The following DMD variants were observed in gnomAD, a reference collection of about 807,000 sequenced individuals.
DMD encodes the protein mutant dystrophin.
Under a neutral mutation model 330.1 loss-of-function variants are expected in DMD, and 63 were observed. The ratio of observed to expected loss-of-function variants is 0.19; its 90% CI spans 0.16 to 0.24. The LOEUF (loss-of-function observed/expected upper bound fraction) is 0.24. DMD is among the 10% of genes least tolerant of loss of function. The pLI is 1.00. For synonymous variants in DMD, 1,223 were observed against 959.8 expected (o/e 1.27, Z -5.07); for missense variants, 3,344 against 2,684.1 (o/e 1.25, Z -5.43).
At chrX:31,211,066 T>G (rs1369618674) in intron 64 of DMD, among the ~76,000 whole-genome samples, 1 of 111,997 alleles carries the variant, frequency 8.9e-6, no homozygotes, top group African/African-American at 3.2e-5. Context: ...ATGACCCTTT[T>G]CATGGAAGCT....
intron 1 of DMD, among the ~76,000 whole-genome samples, chrX:33,095,536 C>G (rs745638402): frequency 1.6e-4 from 18 of 112,021 alleles, no homozygotes; most frequent in South Asian, 7.3e-4. Flanking sequence ...AATTTACATT[C>G]GATTTATATT....
chrX:32,346,699 AT>A, intron 38 of DMD, among the ~76,000 whole-genome samples: 1 of 111,939 alleles, frequency 8.9e-6, no homozygotes, highest in Admixed American at 9.6e-5. Flanking sequence ...ATGCATGTTA[AT>A]TTAAATACGA....
At chrX:31,571,254 G>GGTGTGTGTGTGT (rs371098859) in intron 55 of DMD, among the ~76,000 whole-genome samples, 1,502 of 90,409 alleles carry the variant, frequency 0.017, 24 homozygotes, top group African/African-American at 0.03. Context: ...GATTTAAAGG[G>GGTGTGTGTGTGT]GTGTGTGTGT....
At chrX:33,336,520 A>AT (rs1312979822) in intron 1 of DMD, among the ~76,000 whole-genome samples, 1 of 110,486 alleles carries the variant, frequency 9.1e-6, no homozygotes, top group Non-Finnish European at 1.9e-5. Flanking sequence ...AATAAGGGAG[A>AT]TTTTTTTACT....
chrX:32,820,821 C>G lies in DMD; in HGVS notation c.357+2474G>C, dbSNP rs370748052. Among the ~76,000 whole-genome samples, 18 of 112,062 alleles carry G rather than the reference C, an allele frequency of 1.6e-4. No homozygotes were observed. The East Asian group carries it at 4.2e-3, about 26-fold the overall frequency. On this transcript the variant is annotated intron_variant, in intron 5 of 78. Coordinates refer to ENST00000357033, the MANE Select transcript of DMD (RefSeq NM_004006.3). The stretch of plus-strand genomic sequence containing the variant: ...CGATTTTACAGAGTACCATTTATGT[C>G]TAATGTATTTAATAATAAAGGAGGA...
chrX:32,370,993 C>A (rs1392238128), intron 34 of DMD, among the ~76,000 whole-genome samples: 1 of 110,737 alleles, frequency 9.0e-6, no homozygotes, highest in Non-Finnish European at 1.9e-5. Flanking sequence ...TAGAGTTAGA[C>A]CAATTAAATC....
chrX:32,595,076 G>A (rs949852881), intron 13 of DMD, among the ~76,000 whole-genome samples: 3 of 111,813 alleles, frequency 2.7e-5, no homozygotes, highest in Non-Finnish European at 5.6e-5. Context: ...AAAGAAGATT[G>A]AAGACAAAAG....
chrX:31,582,547 A>G (rs1269600780), intron 55 of DMD, among the ~76,000 whole-genome samples: 1 of 112,259 alleles, frequency 8.9e-6, no homozygotes, highest in East Asian at 2.8e-4. Context: ...TAGATGCAGA[A>G]AGACCAGTGA....
chrX:32,070,667 G>T (rs920443104), intron 44 of DMD, among the ~76,000 whole-genome samples: 8 of 111,040 alleles, frequency 7.2e-5, no homozygotes, highest in Non-Finnish European at 1.5e-4. Flanking sequence ...AACAGCATTT[G>T]CAATGACCTG....
At position 32,767,956 on chromosome X, in the gene DMD, A is replaced by T. The variant is rs1374740262; in HGVS notation, c.649+41537T>A. On this transcript the variant is annotated intron_variant, in intron 7 of 78. Coordinates refer to ENST00000357033, the MANE Select transcript of DMD (RefSeq NM_004006.3). ...TATTTTCATAAAGGCTTAACTATTG[A>T]TAAGAGATATAGATATAACATTGAG... Among the ~76,000 whole-genome samples the T allele has an allele frequency of 2.7e-5, 3 of 111,671 alleles. No homozygotes were observed. The East Asian group carries it at 8.5e-4, about 32-fold the overall frequency.
rs1045108549 is a variant in DMD, at chrX:31,924,689, T to C, written c.6912+4907A>G. Among the ~76,000 whole-genome samples the C allele has an allele frequency of 4.5e-5, 5 of 112,062 alleles. No homozygotes were observed. In the East Asian group the frequency reaches 1.4e-3, roughly 31 times the overall value. On this transcript the variant is annotated intron_variant, in intron 47 of 78. Transcript: ENST00000357033. ...TATATGTTGTATTTGTAAACCTACCTTTTTCCTCGGTAAAGTGAATAAGAT... is the reference window on the plus strand; with the variant it reads ...TATATGTTGTATTTGTAAACCTACCCTTTTCCTCGGTAAAGTGAATAAGAT...
In DMD at chrX:32,568,127, T is replaced by C. The variant is rs1181947298; in HGVS notation, c.1813-2246A>G. Among the ~76,000 whole-genome samples, 5 of 112,093 alleles carry C rather than the reference T, an allele frequency of 4.5e-5. No homozygotes were observed. The Admixed American group carries it at 4.7e-4, about 11-fold the overall frequency. ...AACCTATGAGTAACCTCATGGTACC[T>C]AAACAAATGAAAATAAGCCTCCTGT... is the stretch of plus-strand genomic sequence containing the variant. On this transcript the variant is annotated intron_variant, in intron 15 of 78. Coordinates refer to ENST00000357033, the MANE Select transcript of DMD (RefSeq NM_004006.3).
chrX:31,684,595 T>TTTGTTG (rs746105116), intron 52 of DMD, among the ~76,000 whole-genome samples: 1 of 111,687 alleles, frequency 9.0e-6, no homozygotes, highest in Non-Finnish European at 1.9e-5. Context: ...CTCTAGGATT[T>TTTGTTG]TTGTTGTTGT....
In DMD at chrX:31,783,511, A is replaced by G. The variant is rs140973447; in HGVS notation, c.7310-9319T>C. Among the ~76,000 whole-genome samples, 494 of 111,483 alleles carry G rather than the reference A, an allele frequency of 4.4e-3. 2 individuals are homozygous for G. The highest frequency in any genetic ancestry group is 0.014 in the African/African-American group (436 of 30,723). On this transcript the variant is annotated intron_variant, in intron 50 of 78. Coordinates refer to ENST00000357033, the MANE Select transcript of DMD (RefSeq NM_004006.3). Reference sequence around the variant, plus strand: ...CAGAGGAGATGATAAGCTATTTGAGATAAGTATCAGAATCATCTTTTCCTT... The same window carrying G: ...CAGAGGAGATGATAAGCTATTTGAGGTAAGTATCAGAATCATCTTTTCCTT...
intron 2 of DMD, among the ~76,000 whole-genome samples, chrX:32,902,010 C>T (rs2086289511): frequency 1.8e-5 from 2 of 109,721 alleles, no homozygotes; most frequent in Admixed American, 2.0e-4. Flanking sequence ...TACATTTTGG[C>T]CAATCTTTGT....
At chrX:33,005,574 G>A (rs909155780) in intron 2 of DMD, among the ~76,000 whole-genome samples, 1 of 107,248 alleles carries the variant, frequency 9.3e-6, no homozygotes, top group Non-Finnish European at 1.9e-5. Flanking sequence ...TCCACAGAAA[G>A]TTAGGAGAGA....
At position 31,301,759 on chromosome X, in the gene DMD, T is replaced by G. The variant is rs755694455; in HGVS notation, c.9224+21839A>C. ...TGTTTTGTTCTTTTTTTGTTTGTTT[T>G]TTTTTGTTTGTTTGTTGTTGTTGTT... On this transcript the variant is annotated intron_variant, in intron 62 of 78. Transcript: ENST00000357033. Among the ~76,000 whole-genome samples, 12 of 112,133 alleles carry G rather than the reference T, an allele frequency of 1.1e-4. No individual in the cohort carries two copies. In the East Asian group the frequency reaches 1.9e-3, roughly 18 times the overall value.
intron 7 of DMD, among the ~76,000 whole-genome samples, chrX:32,740,495 AGAGAAG>A (rs1260488191): frequency 1.8e-5 from 2 of 111,014 alleles, no homozygotes; most frequent in Non-Finnish European, 3.8e-5. Flanking sequence ...GAAAGAACAG[AGAGAAG>A]GAGAAGTTAA....
intron 44 of DMD, among the ~76,000 whole-genome samples, chrX:32,204,159 G>A (rs1236022734): frequency 9.0e-6 from 1 of 111,164 alleles, no homozygotes; most frequent in East Asian, 2.8e-4. Context: ...AATGTTTTTG[G>A]CTTAACATTT....
Sources: allele counts gnomAD v4.1 joint callset (sites outside exome capture counted in the v4.1 genomes callset), GRCh38; gene constraint gnomAD v4.1.1; transcripts MANE v1.5; gene names NCBI Gene and HGNC (gene_info 2026-07-23, HGNC 2026-07-21).